The following CCT6B variants were observed in gnomAD, a reference collection of about 807,000 sequenced individuals.
CCT6B encodes probable T-complex protein 1 subunit zeta-2.
Under a neutral mutation model 61.5 loss-of-function variants are expected in CCT6B, and 49 were observed. That is an observed-to-expected ratio of 0.80 (90% CI 0.63 to 1.01). CCT6B has a LOEUF of 1.01. Among genes scored for constraint, CCT6B ranks in the 50% least tolerant of loss-of-function variants. CCT6B has a pLI of 0.00. For synonymous variants in CCT6B, 228 were observed against 214.5 expected, an observed-to-expected ratio of 1.06 and a Z score of -0.55; for missense variants, 666 against 634.7, an observed-to-expected ratio of 1.05 and a Z score of -0.53.
intron 5 of CCT6B, among the ~76,000 whole-genome samples, chr17:34,945,753 G>A (rs2090216650): frequency 6.6e-6 from 1 of 152,114 alleles, no homozygotes; most frequent in Non-Finnish European, 1.5e-5. Flanking sequence ...ACTGAGATCA[G>A]TCCTACTATC....
At chr17:34,944,334 G>A (rs1475515370) in intron 5 of CCT6B, 1 of 152,292 alleles carries the variant, frequency 6.6e-6, no homozygotes, top group Non-Finnish European at 1.5e-5. Flanking sequence ...CTCTACTTGT[G>A]TACTGGATTC....
chr17:34,946,473 G>A (rs942427678), intron 5 of CCT6B, among the ~76,000 whole-genome samples: 2 of 152,148 alleles, frequency 1.3e-5, no homozygotes, highest in South Asian at 2.1e-4. Context: ...AAAAGGTAAC[G>A]TGGCAGATTT....
rs748017493 is a variant in CCT6B at position 34,939,178 on chromosome 17, C to CTTACCA, written c.1212_1213+4dup. The CTTACCA allele has an allele frequency of 6.8e-6, 11 of 1,612,672 alleles. No homozygotes were observed. Among genetic ancestry groups the CTTACCA allele is most frequent in the Non-Finnish European group, 9.3e-6 (11 of 1,179,102 alleles). On this transcript the variant is annotated splice_donor_region_variant and intron_variant, in intron 10 of 13. Coordinates refer to ENST00000314144, the MANE Select transcript of CCT6B (RefSeq NM_006584.4). ...GGTTCATATCAATCACAAGAAAGAG[C>CTTACCA]TTACCATCTTCAATGGCATTTTTGA...
chr17:34,938,138 TC>T (rs1410966425), intron 10 of CCT6B, among the ~76,000 whole-genome samples: 1 of 152,046 alleles, frequency 6.6e-6, no homozygotes, highest in Non-Finnish European at 1.5e-5. Flanking sequence ...AATCCTCCCA[TC>T]TTGGCCTCCC....
chr17:34,938,392 A>C (rs1295381043), intron 10 of CCT6B, among the ~76,000 whole-genome samples: 1 of 150,940 alleles, frequency 6.6e-6, no homozygotes, highest in Non-Finnish European at 1.5e-5. Flanking sequence ...CATAGACAGA[A>C]CTCATCTCTA....
chr17:34,943,928 G>C (rs1232262852), intron 5 of CCT6B: 2 of 151,816 alleles, frequency 1.3e-5, no homozygotes, highest in Non-Finnish European at 2.9e-5. Context: ...TCTTTCAAGA[G>C]TCAATATTTT....
chr17:34,959,509 G>A, intron 2 of CCT6B, 78 bp downstream of exon 2: 3 of 1,033,048 alleles, frequency 2.9e-6, no homozygotes, highest in Non-Finnish European at 4.6e-6. Flanking sequence ...CACAGCCTTG[G>A]CTTAAAGATA....
intron 5 of CCT6B, among the ~76,000 whole-genome samples, chr17:34,947,708 G>A (rs757948465): frequency 1.4e-4 from 21 of 152,098 alleles, no homozygotes; most frequent in African/African-American, 1.7e-4. Flanking sequence ...ATGGCTGGGC[G>A]CGGTGGCTCA....
In CCT6B at chr17:34,952,114, C is replaced by T. The variant is rs979886482; in HGVS notation, c.511-61G>A. The T allele has an allele frequency of 4.5e-5, 46 of 1,026,510 alleles. No individual in the cohort carries two copies. In the South Asian group the frequency reaches 6.5e-4, roughly 14 times the overall value. 63.6% of individuals were successfully genotyped at this position (1,026,510 alleles called of 1,614,324 possible). On this transcript the variant is annotated intron_variant, in intron 4 of 13. Coordinates refer to ENST00000314144, the MANE Select transcript of CCT6B (RefSeq NM_006584.4). ...TGGACTACTAAAATAAACCAAGGGC[C>T]CAAACAATCTATCACCAGACTAAGG...
chr17:34,957,143 ATT>A (rs57459236), intron 3 of CCT6B, among the ~76,000 whole-genome samples: 23,750 of 102,624 alleles, frequency 0.23, 2,315 homozygotes, highest in East Asian at 0.49. Flanking sequence ...TTTTCTTTCC[ATT>A]TTTTTTTTTT....
intron 3 of CCT6B, among the ~76,000 whole-genome samples, chr17:34,955,961 A>C (rs983630581): frequency 6.6e-6 from 1 of 152,192 alleles, no homozygotes; most frequent in Non-Finnish European, 1.5e-5. Flanking sequence ...ATTTTCAAAA[A>C]TGTCTTCAAG....
intron 5 of CCT6B, among the ~76,000 whole-genome samples, chr17:34,950,049 T>C (rs1391787156): frequency 6.6e-6 from 1 of 152,206 alleles, no homozygotes; most frequent in Non-Finnish European, 1.5e-5. Context: ...AAAAATCTCA[T>C]AGAGCATATT....
intron 12 of CCT6B, among the ~76,000 whole-genome samples, chr17:34,929,633 C>T (rs997760055): frequency 6.6e-6 from 1 of 151,908 alleles, no homozygotes; most frequent in African/African-American, 2.4e-5. Context: ...CCTGACTCAG[C>T]CTCCCAAGTA....
rs1239471651 is a variant in CCT6B, at chr17:34,939,164, A to G, written c.1213+19T>C. The G allele has an allele frequency of 1.2e-6, 2 of 1,607,852 alleles. No homozygotes were observed. The highest frequency in any genetic ancestry group is 1.3e-5 in the African/African-American group (1 of 74,724). On this transcript the variant is annotated intron_variant, in intron 10 of 13. Transcript: ENST00000314144. Reference sequence around the variant, plus strand: ...ACACATATACATGAGGTTCATATCAATCACAAGAAAGAGCTTACCATCTTC... The same window carrying G: ...ACACATATACATGAGGTTCATATCAGTCACAAGAAAGAGCTTACCATCTTC...
At chr17:34,952,196 TA>T (rs746881800) in intron 4 of CCT6B, 143 bp from the exon 5 acceptor site, 4 of 534,506 alleles carry the variant, frequency 7.5e-6, no homozygotes, top group Non-Finnish European at 1.3e-5. Context: ...GCCACTTTAC[TA>T]TGGATGCTAA....
At chr17:34,949,095 G>GGGAGA (rs1555550302) in intron 5 of CCT6B, among the ~76,000 whole-genome samples, 1 of 86,282 alleles carries the variant, frequency 1.2e-5, no homozygotes, top group African/African-American at 4.9e-5. Flanking sequence ...GGGAGGGGAG[G>GGGAGA]GAAAAGAAAA....
intron 5 of CCT6B, among the ~76,000 whole-genome samples, chr17:34,948,852 G>A (rs2090256006): frequency 6.6e-6 from 1 of 151,778 alleles, no homozygotes; most frequent in East Asian, 1.9e-4. Context: ...GGGCAACATG[G>A]CAAAACCCTG....
rs147103424 is a variant in CCT6B at position 34,954,476 on chromosome 17, T to C, written c.460A>G (p.Thr154Ala). The change falls in exon 4 of 14, where the codon ACA becomes GCA. Residue 154 changes from threonine (T) to alanine (A), a missense_variant. By Grantham distance (58) the Thr-to-Ala change is moderately conservative (BLOSUM62 0). Transcript: ENST00000314144. ...KRKILLDVAR[T>A]SLQTKVHAEL... Reference sequence around the variant, plus strand: ...GCATGAACTTTAGTTTGTAATGATGTTCTAGCTACATCTAAGAGGATTTTT... The same window carrying C: ...GCATGAACTTTAGTTTGTAATGATGCTCTAGCTACATCTAAGAGGATTTTT... 1.2e-6 allele frequency: 2 copies of C among 1,613,590 alleles called. No homozygotes were observed. The highest frequency in any genetic ancestry group is 4.5e-5 in the East Asian group (2 of 44,826).
intron 3 of CCT6B, 63 bp from the exon 4 acceptor site, chr17:34,954,662 C>T (rs1011979457): frequency 1.5e-6 from 2 of 1,328,376 alleles, no homozygotes; most frequent in African/African-American, 3.1e-5. Flanking sequence ...AGTAACCAAC[C>T]TGTCTGATTA....
Sources: gnomAD v4.1 joint callset for allele counts (sites outside exome capture counted in the v4.1 genomes callset) on GRCh38, gnomAD v4.1.1 for gene constraint, MANE v1.5 for transcripts, NCBI Gene and HGNC (gene_info 2026-07-23, HGNC 2026-07-21) for gene names.